The following CTNNA3 variants were observed in gnomAD, a reference collection of about 807,000 sequenced individuals.
The protein encoded by CTNNA3 is catenin alpha-3.
A neutral mutation model predicts 95.7 loss-of-function variants in CTNNA3; 76 were observed. The ratio of observed to expected loss-of-function variants is 0.79; its 90% CI spans 0.66 to 0.96. The LOEUF is 0.96. Among genes scored for constraint, CTNNA3 ranks in the 40% least tolerant of loss-of-function variants. The probability of loss-of-function intolerance (pLI) is 0.00; values close to 1 mark genes in which losing one functional copy is unlikely to be tolerated. For synonymous variants in CTNNA3, 431 were observed against 374.4 expected (o/e 1.15, Z -1.74); for missense variants, 1,191 against 1,089.8 (o/e 1.09, Z -1.31).
chr10:67,571,718 G>A (rs916806180), intron 3 of CTNNA3, among the ~76,000 whole-genome samples: 4 of 152,078 alleles, frequency 2.6e-5, no homozygotes, highest in Admixed American at 2.6e-4. Context: ...GAGGGAAGCA[G>A]GAGAGGGCAG....
intron 13 of CTNNA3, among the ~76,000 whole-genome samples, chr10:66,144,141 T>C (rs2083756257): frequency 6.6e-6 from 1 of 152,212 alleles, no homozygotes; most frequent in Non-Finnish European, 1.5e-5. Flanking sequence ...CTTTTTTTAC[T>C]GCAGCATCTC....
chr10:66,623,966 T>C (rs12354419), intron 9 of CTNNA3, among the ~76,000 whole-genome samples: 3,343 of 152,278 alleles, frequency 0.022, 62 homozygotes, highest in Non-Finnish European at 0.031. Flanking sequence ...CCAAGAACAG[T>C]AGAAATGTAA....
At chr10:66,155,619 T>C (rs1175707159) in intron 13 of CTNNA3, among the ~76,000 whole-genome samples, 1 of 151,874 alleles carries the variant, frequency 6.6e-6, no homozygotes, top group Non-Finnish European at 1.5e-5. Flanking sequence ...ACCATCTTAA[T>C]ACATTGCACT....
intron 5 of CTNNA3, among the ~76,000 whole-genome samples, chr10:67,421,939 A>C (rs2132870166): frequency 6.6e-6 from 1 of 152,340 alleles, no homozygotes; most frequent in South Asian, 2.1e-4. Flanking sequence ...AATATCACTA[A>C]TATTGGGACA....
At chr10:66,865,211 T>TGTGC (rs1554866379) in intron 7 of CTNNA3, among the ~76,000 whole-genome samples, 1 of 88,690 alleles carries the variant, frequency 1.1e-5, no homozygotes, top group African/African-American at 3.4e-5. Flanking sequence ...TGTGTGTGTG[T>TGTGC]GCGTGTGTGT....
chr10:67,682,972 G>A (rs535733202), intron 1 of CTNNA3, among the ~76,000 whole-genome samples: 67 of 152,296 alleles, frequency 4.4e-4, no homozygotes, highest in African/African-American at 1.5e-3. Flanking sequence ...TGTCTTAAGC[G>A]GGAAGAAGAT....
chr10:67,387,886 C>A (rs1844260701), intron 5 of CTNNA3, among the ~76,000 whole-genome samples: 1 of 152,182 alleles, frequency 6.6e-6, no homozygotes, highest in African/African-American at 2.4e-5. Context: ...ACAGAAAGGA[C>A]ACCCACACCA....
intron 5 of CTNNA3, among the ~76,000 whole-genome samples, chr10:67,508,847 T>A (rs1218234794): frequency 1.3e-5 from 2 of 151,550 alleles, no homozygotes; most frequent in Non-Finnish European, 2.9e-5. Flanking sequence ...ACAAATAACC[T>A]AATTAAAAAT....
chr10:66,235,350 A>G (rs2089795868), intron 13 of CTNNA3, among the ~76,000 whole-genome samples: 1 of 151,472 alleles, frequency 6.6e-6, no homozygotes, highest in African/African-American at 2.4e-5. Context: ...AAAAATAACT[A>G]TAAATTTATT....
At chr10:67,601,037 G>A (rs1843067991) in intron 3 of CTNNA3, among the ~76,000 whole-genome samples, 5 of 152,170 alleles carry the variant, frequency 3.3e-5, no homozygotes, top group Admixed American at 1.3e-4. Context: ...GGGGACAAGG[G>A]GCCCTCTTAG....
intron 5 of CTNNA3, among the ~76,000 whole-genome samples, chr10:67,374,714 T>C (rs1465983456): frequency 6.6e-6 from 1 of 152,152 alleles, no homozygotes; most frequent in Non-Finnish European, 1.5e-5. Flanking sequence ...AACAGGGACT[T>C]GAAGGAAGTA....
intron 9 of CTNNA3, among the ~76,000 whole-genome samples, chr10:66,692,897 C>T (rs917463573): frequency 1.8e-4 from 27 of 152,176 alleles, no homozygotes; most frequent in African/African-American, 5.8e-4. Context: ...AAATACTTTA[C>T]AGACAAGCAA....
intron 15 of CTNNA3, among the ~76,000 whole-genome samples, chr10:66,032,351 G>A (rs2079466513): frequency 6.6e-6 from 1 of 151,932 alleles, no homozygotes; most frequent in Non-Finnish European, 1.5e-5. Context: ...ATTTTTAGGT[G>A]AATTATAATA....
chr10:66,194,231 A>G (rs548955534), intron 13 of CTNNA3, among the ~76,000 whole-genome samples: 15 of 152,326 alleles, frequency 9.8e-5, no homozygotes, highest in African/African-American at 1.4e-4. Context: ...TTTCAGTAAA[A>G]TAATTATGCC....
intron 7 of CTNNA3, among the ~76,000 whole-genome samples, chr10:66,916,497 T>G (rs1041075171): frequency 1.3e-5 from 2 of 152,232 alleles, no homozygotes; most frequent in African/African-American, 4.8e-5. Flanking sequence ...CTATTTGCTT[T>G]TTAAGCTACA....
At chr10:67,686,678 C>T (rs544070482) in intron 1 of CTNNA3, among the ~76,000 whole-genome samples, 18 of 152,270 alleles carry the variant, frequency 1.2e-4, no homozygotes, top group Non-Finnish European at 2.5e-4. Flanking sequence ...GCCACAACTA[C>T]CTGTAAACAG....
intron 2 of CTNNA3, among the ~76,000 whole-genome samples, chr10:67,638,843 C>G (rs138417484): frequency 0.13 from 20,162 of 151,856 alleles, 2,408 homozygotes; most frequent in African/African-American, 0.32. Flanking sequence ...AGAATCTCTG[C>G]GACACATTTA....
chr10:67,457,210 C>A (rs1055390155), intron 5 of CTNNA3, among the ~76,000 whole-genome samples: 5 of 152,146 alleles, frequency 3.3e-5, no homozygotes, highest in African/African-American at 1.2e-4. Context: ...GTATGGACAG[C>A]AATCCCCAAA....
intron 7 of CTNNA3, among the ~76,000 whole-genome samples, chr10:67,060,525 A>G (rs1855699852): frequency 6.6e-6 from 1 of 152,220 alleles, no homozygotes; most frequent in Non-Finnish European, 1.5e-5. Flanking sequence ...TAAATATCCC[A>G]GTAACTTTGC....
Sources: allele counts gnomAD v4.1 joint callset (sites outside exome capture counted in the v4.1 genomes callset), GRCh38; gene constraint gnomAD v4.1.1; transcripts MANE v1.5; gene names NCBI Gene and HGNC (gene_info 2026-07-23, HGNC 2026-07-21).